The following PANK1 variants were observed in gnomAD, a reference collection of about 807,000 sequenced individuals.
PANK1 encodes the protein pantothenate kinase 1.
PANK1 carries 18 observed loss-of-function variants against 40.1 expected under a neutral mutation model. That is an observed-to-expected ratio of 0.45 (90% CI 0.31 to 0.67). PANK1 has a LOEUF of 0.67. PANK1 is among the 30% of genes least tolerant of loss of function. The pLI, the probability that PANK1 is intolerant of heterozygous loss-of-function variation, is 0.06. For missense variants in PANK1, 457 were observed against 599.6 expected (o/e 0.76, Z 2.48); for synonymous variants, 242 against 237.7 (o/e 1.02, Z -0.17).
downstream of PANK1, chr10:89,579,571 TC>T (rs1457602790): frequency 3.9e-5 from 6 of 152,298 alleles, no homozygotes; most frequent in East Asian, 1.2e-3. Context: ...AAATTAGCTA[TC>T]AGTTTCCCAA....
chr10:89,632,582 A>C (rs1326603262), intron 1 of PANK1, among the ~76,000 whole-genome samples: 2 of 152,232 alleles, frequency 1.3e-5, no homozygotes, highest in African/African-American at 4.8e-5. Context: ...AACAATAATG[A>C]ATTATGAAAT....
intron 3 of PANK1, among the ~76,000 whole-genome samples, chr10:89,595,834 ATATATATATATATATAT>A (rs1299898782): frequency 1.1e-4 from 5 of 44,234 alleles, no homozygotes; most frequent in Non-Finnish European, 1.8e-4. Context: ...AAAAAAAAAA[ATATATATATATATATAT>A]ATATATATAT....
intron 1 of PANK1, among the ~76,000 whole-genome samples, chr10:89,643,000 G>C (rs1379012833): frequency 6.6e-6 from 1 of 152,072 alleles, no homozygotes; most frequent in African/African-American, 2.4e-5. Flanking sequence ...AATTTCTGTG[G>C]GTTTGCAAGC....
At chr10:89,643,220 A>G (rs985543922) in intron 1 of PANK1, among the ~76,000 whole-genome samples, 10 of 152,254 alleles carry the variant, frequency 6.6e-5, no homozygotes, top group African/African-American at 2.4e-4. Context: ...TAACTGAAGT[A>G]TAGCTTCAAA....
chr10:89,590,166 A>G (rs1179737875), intron 5 of PANK1, among the ~76,000 whole-genome samples: 1 of 152,162 alleles, frequency 6.6e-6, no homozygotes, highest in Admixed American at 6.5e-5. Context: ...TTTACTTTAA[A>G]AAGTTAAATT....
chr10:89,599,066 G>C (rs1844696697), intron 3 of PANK1, 186 bp downstream of exon 3: 1 of 582,072 alleles, frequency 1.7e-6, no homozygotes, highest in African/African-American at 1.9e-5. Flanking sequence ...GGCAAGAACT[G>C]TTTTATTAAC....
At position 89,584,205 on chromosome 10, in the gene PANK1, T is replaced by C. The variant is rs1295615785; in HGVS notation, c.*201A>G. ...AATACAGTATACAGAAAAAAAACCT[T>C]TTATATTCCCCCGTTTTGAATCATT... On this transcript the variant is annotated 3_prime_UTR_variant, in exon 7 of 7. Coordinates refer to ENST00000307534, the MANE Select transcript of PANK1 (RefSeq NM_148977.3). 1 of 499,894 alleles carries C rather than the reference T, an allele frequency of 2.0e-6. No individual in the cohort carries two copies. 31.0% of individuals were successfully genotyped at this position (499,894 alleles called of 1,614,324 possible). A position where few individuals can be genotyped will look rare whatever the true frequency, so the allele number is the denominator to read the frequency against.
chr10:89,581,205 A>G (rs1475990605), downstream of PANK1: 1 of 152,154 alleles, frequency 6.6e-6, no homozygotes, highest in African/African-American at 2.4e-5. Flanking sequence ...TATGCATCTT[A>G]GTCTCCAGTT....
At chr10:89,610,569 G>A (rs944617068) in intron 2 of PANK1, among the ~76,000 whole-genome samples, 4 of 152,100 alleles carry the variant, frequency 2.6e-5, no homozygotes, top group Admixed American at 6.5e-5. Context: ...TGAGGTAAAT[G>A]GGGTTACTTT....
chr10:89,644,587 C>A lies in PANK1; in HGVS notation c.292+13G>T. On this transcript the variant is annotated intron_variant, in intron 1 of 6. Transcript: ENST00000307534. ...CTGCCTTGCGCCCGCGCTCCCCTCCCAGCGGGACTTACGCGGCCTGTTCTT... is the reference window on the plus strand; with the variant it reads ...CTGCCTTGCGCCCGCGCTCCCCTCCAAGCGGGACTTACGCGGCCTGTTCTT... 6.3e-7 allele frequency: 1 copy of A among 1,583,910 alleles called. No individual in the cohort carries two copies. Among genetic ancestry groups the A allele is most frequent in the East Asian group, 2.3e-5 (1 of 42,772 alleles).
intron 2 of PANK1, among the ~76,000 whole-genome samples, chr10:89,606,163 G>A (rs149732725): frequency 6.6e-6 from 1 of 152,092 alleles, no homozygotes; most frequent in South Asian, 2.1e-4. Context: ...ATTCTTAAGG[G>A]CCACACGATT....
At chr10:89,644,517 G>A (rs1842056360) in intron 1 of PANK1, 83 bp downstream of exon 1, 2 of 1,272,920 alleles carry the variant, frequency 1.6e-6, no homozygotes, top group Non-Finnish European at 1.1e-6. Flanking sequence ...GCGTGCTGCG[G>A]CGCCTGCCTC....
chr10:89,633,165 T>C (rs553448891), intron 1 of PANK1, among the ~76,000 whole-genome samples: 12 of 152,126 alleles, frequency 7.9e-5, no homozygotes, highest in African/African-American at 2.9e-4. Flanking sequence ...GATGGCCAGT[T>C]TCAAGTTATC....
chr10:89,582,178 A>G (rs972004904), downstream of PANK1: 1 of 152,164 alleles, frequency 6.6e-6, no homozygotes, highest in Non-Finnish European at 1.5e-5. Context: ...TGAACTGGTA[A>G]CTGACTAAGC....
intron 1 of PANK1, 81 bp downstream of exon 1, chr10:89,644,519 G>A (rs1842056498): frequency 8.6e-6 from 11 of 1,280,892 alleles, no homozygotes; most frequent in South Asian, 5.7e-5. Flanking sequence ...GTGCTGCGGC[G>A]CCTGCCTCAG....
At chr10:89,608,242 A>G (rs184828955) in intron 2 of PANK1, among the ~76,000 whole-genome samples, 117 of 152,200 alleles carry the variant, frequency 7.7e-4, no homozygotes, top group African/African-American at 2.6e-3. Context: ...CGTGTTAGCC[A>G]GGATGGTCTC....
rs1177648376 is a variant in PANK1 at position 89,644,881 on chromosome 10, C to T, written c.11G>A (p.Arg4His). The change falls in exon 1 of 7, where the codon CGC (arginine) becomes CAC (histidine). Residue 4 changes from arginine (R) to histidine (H), a missense_variant. By Grantham distance (29) the Arg-to-His change is conservative (BLOSUM62 0). Coordinates refer to ENST00000307534, the MANE Select transcript of PANK1 (RefSeq NM_148977.3). MGD[R>H]SGQQERSVPH... ...GACCGAGCGCTCCTGCTGCCCGCTG[C>T]GGTCGCCCATGCCGGGGGCTGGCGG... 2 of 1,498,912 alleles carry T rather than the reference C, an allele frequency of 1.3e-6. No individual in the cohort carries two copies. Among genetic ancestry groups the T allele is most frequent in the East Asian group, 2.9e-5 (1 of 34,976 alleles). 92.9% of individuals were successfully genotyped at this position (1,498,912 alleles called of 1,614,324 possible).
At chr10:89,592,384 G>A (rs1266583372) in intron 5 of PANK1, among the ~76,000 whole-genome samples, 1 of 152,112 alleles carries the variant, frequency 6.6e-6, no homozygotes, top group African/African-American at 2.4e-5. Context: ...TCTTGATCTG[G>A]GTGATGGCTA....
chr10:89,608,043 T>TTTTTTTTTTTG (rs1845026161), intron 2 of PANK1, among the ~76,000 whole-genome samples: 1 of 151,576 alleles, frequency 6.6e-6, no homozygotes, highest in African/African-American at 2.4e-5. Context: ...TTTTTTTTTT[T>TTTTTTTTTTTG]TTTTTTGAGG....
Sources: allele counts gnomAD v4.1 joint callset (sites outside exome capture counted in the v4.1 genomes callset), GRCh38; gene constraint gnomAD v4.1.1; transcripts MANE v1.5; gene names NCBI Gene and HGNC (gene_info 2026-07-23, HGNC 2026-07-21).